The following ZDHHC14 variants were observed in gnomAD, a reference collection of about 807,000 sequenced individuals.
ZDHHC14 encodes the protein palmitoyltransferase ZDHHC14.
Under a neutral mutation model 47.7 loss-of-function variants are expected in ZDHHC14, and 16 were observed. The ratio of observed to expected loss-of-function variants is 0.34; its 90% CI spans 0.23 to 0.51. ZDHHC14 has a LOEUF of 0.51. Among genes scored for constraint, ZDHHC14 ranks in the 20% least tolerant of loss-of-function variants. The pLI, the probability that ZDHHC14 is intolerant of heterozygous loss-of-function variation, is 0.97. For missense variants in ZDHHC14, 515 were observed against 662.5 expected (o/e 0.78, Z 2.44); for synonymous variants, 293 against 278.9 (o/e 1.05, Z -0.50).
intron 1 of ZDHHC14, among the ~76,000 whole-genome samples, chr6:157,476,662 T>C (rs1259249955): frequency 1.3e-5 from 2 of 152,138 alleles, no homozygotes; most frequent in Non-Finnish European, 2.9e-5. Flanking sequence ...ATCAACAAAA[T>C]ATTAGCAAAC....
At chr6:157,660,725 G>A (rs998203125) in intron 8 of ZDHHC14, among the ~76,000 whole-genome samples, 3 of 152,190 alleles carry the variant, frequency 2.0e-5, no homozygotes, top group African/African-American at 7.2e-5. Flanking sequence ...GCCTGGAGAT[G>A]ACTTTAATTG....
chr6:157,645,021 C>T (rs1417377468), intron 5 of ZDHHC14, among the ~76,000 whole-genome samples: 2 of 152,122 alleles, frequency 1.3e-5, no homozygotes, highest in Non-Finnish European at 2.9e-5. Context: ...TGCGAGAACT[C>T]GTGGTTCCCA....
chr6:157,660,130 G>C lies in ZDHHC14; in HGVS notation c.1068+6503G>C, dbSNP rs998993857. Among the ~76,000 whole-genome samples, 13 of 151,674 alleles carry C rather than the reference G, an allele frequency of 8.6e-5. No homozygotes were observed. In the South Asian group the frequency reaches 1.9e-3, roughly 22 times the overall value. Reference sequence around the variant, plus strand: ...GAGACTTGGATATGTTGAGTAACTCGCTCACAGTCACACAGCTAGAGATGC... The same window carrying C: ...GAGACTTGGATATGTTGAGTAACTCCCTCACAGTCACACAGCTAGAGATGC... On this transcript the variant is annotated intron_variant, in intron 8 of 8. Coordinates refer to ENST00000359775, the MANE Select transcript of ZDHHC14 (RefSeq NM_024630.3).
intron 1 of ZDHHC14, among the ~76,000 whole-genome samples, chr6:157,439,392 A>T (rs1356442773): frequency 6.6e-6 from 1 of 152,242 alleles, no homozygotes; most frequent in African/African-American, 2.4e-5. Context: ...TATGTGGCCA[A>T]CAAACATATT....
chr6:157,626,132 G>A (rs866453087), intron 3 of ZDHHC14, among the ~76,000 whole-genome samples: 1 of 152,024 alleles, frequency 6.6e-6, no homozygotes, highest in Admixed American at 6.6e-5. Flanking sequence ...CTTCAGATGG[G>A]GTGTACCTGG....
intron 1 of ZDHHC14, among the ~76,000 whole-genome samples, chr6:157,416,412 C>A (rs1485709537): frequency 6.6e-6 from 1 of 151,602 alleles, no homozygotes; most frequent in African/African-American, 2.4e-5. Flanking sequence ...CCTGTAATCC[C>A]AGCACATTAG....
intron 1 of ZDHHC14, among the ~76,000 whole-genome samples, chr6:157,538,267 C>T (rs992639592): frequency 2.0e-5 from 3 of 152,136 alleles, no homozygotes; most frequent in South Asian, 2.1e-4. Context: ...AGAAGGTGAA[C>T]ATGAGGCACA....
In ZDHHC14 at chr6:157,577,424, T is replaced by C. The variant is rs1014640193; in HGVS notation, c.407-15564T>C. On this transcript the variant is annotated intron_variant, in intron 2 of 8. Coordinates refer to ENST00000359775, the MANE Select transcript of ZDHHC14 (RefSeq NM_024630.3). ...TGAATGGTAATTCTATTTTAAGTTC[T>C]TTGAGGAATCACCATGCTGCTTTCC... Among the ~76,000 whole-genome samples, 9 of 152,238 alleles carry C rather than the reference T, an allele frequency of 5.9e-5. 1 individual carries two copies. In the South Asian group the frequency reaches 1.9e-3, roughly 31 times the overall value.
At chr6:157,533,513 C>T (rs774539518) in intron 1 of ZDHHC14, among the ~76,000 whole-genome samples, 8 of 152,110 alleles carry the variant, frequency 5.3e-5, no homozygotes, top group Non-Finnish European at 1.0e-4. Context: ...GAGTTCCAGG[C>T]AGGGGGAAGG....
At chr6:157,457,949 A>G (rs1562433247) in intron 1 of ZDHHC14, among the ~76,000 whole-genome samples, 1 of 152,244 alleles carries the variant, frequency 6.6e-6, no homozygotes, top group Non-Finnish European at 1.5e-5. Flanking sequence ...ATTAAAAACC[A>G]ATGCCAAGAT....
chr6:157,645,975 T>G, intron 6 of ZDHHC14, 136 bp downstream of exon 6: 1 of 695,726 alleles, frequency 1.4e-6, no homozygotes, highest in Non-Finnish European at 2.3e-6. Flanking sequence ...ACAGAGACGG[T>G]GCCGTGGAAA....
intron 2 of ZDHHC14, among the ~76,000 whole-genome samples, chr6:157,566,466 T>G (rs1782905549): frequency 6.6e-6 from 1 of 152,134 alleles, no homozygotes; most frequent in Non-Finnish European, 1.5e-5. Flanking sequence ...AGTCCAGAGA[T>G]CCCATTGCTA....
chr6:157,382,297 G>A (rs909052892), intron 1 of ZDHHC14, 31 bp downstream of exon 1: 5 of 1,608,232 alleles, frequency 3.1e-6, no homozygotes, highest in Non-Finnish European at 4.2e-6. Context: ...CCCCGACGCC[G>A]CACTCCCCTG....
intron 8 of ZDHHC14, among the ~76,000 whole-genome samples, chr6:157,669,966 T>C (rs939823959): frequency 2.0e-5 from 3 of 152,214 alleles, no homozygotes; most frequent in Admixed American, 1.3e-4. Flanking sequence ...GTCCAAACCC[T>C]GGTATAGTTT....
intron 3 of ZDHHC14, among the ~76,000 whole-genome samples, chr6:157,612,441 G>T (rs778429940): frequency 1.3e-5 from 2 of 152,170 alleles, no homozygotes; most frequent in Non-Finnish European, 2.9e-5. Flanking sequence ...TGCCACCTGG[G>T]CTCCAGCCCC....
intron 3 of ZDHHC14, among the ~76,000 whole-genome samples, chr6:157,594,004 C>A (rs1266833056): frequency 6.6e-6 from 1 of 152,158 alleles, no homozygotes; most frequent in Non-Finnish European, 1.5e-5. Flanking sequence ...CAGGGGTATT[C>A]CTGGGAGAAT....
intron 1 of ZDHHC14, among the ~76,000 whole-genome samples, chr6:157,509,226 G>A (rs778034363): frequency 2.6e-5 from 4 of 152,128 alleles, no homozygotes; most frequent in Non-Finnish European, 5.9e-5. Flanking sequence ...GGCCCACCTG[G>A]ATGATCCAGG....
rs1451431202 is a variant in ZDHHC14, at chr6:157,582,677, C to G, written c.407-10311C>G. Among the ~76,000 whole-genome samples, 2 of 152,158 alleles carry G rather than the reference C, an allele frequency of 1.3e-5. No homozygotes were observed. On this transcript the variant is annotated intron_variant, in intron 2 of 8. Coordinates refer to ENST00000359775, the MANE Select transcript of ZDHHC14 (RefSeq NM_024630.3). This position sits in a 1 kb window ranked among gnomAD's most constrained non-coding sequence, Gnocchi z 4.3. ...TCTTTAACATTGTTTCTCTCATTTT[C>G]ATCTTGGAGAATCTGATGATTATGT...
intron 4 of ZDHHC14, chr6:157,632,434 T>C (rs1033488024): frequency 2.1e-5 from 4 of 191,144 alleles, no homozygotes; most frequent in African/African-American, 7.0e-5. Flanking sequence ...AGAATTCTTT[T>C]ATACGTAGCC....
Sources: gnomAD v4.1 joint callset for allele counts (sites outside exome capture counted in the v4.1 genomes callset) on GRCh38, gnomAD v4.1.1 for gene constraint, Gnocchi (gnomAD v3.1) non-coding constraint, MANE v1.5 for transcripts, NCBI Gene and HGNC (gene_info 2026-07-23, HGNC 2026-07-21) for gene names.